Variants in NRN1 observed in about 807,000 individuals in gnomAD.
NRN1 encodes the protein neuritin 1, also known as neuritin.
NRN1 carries 4 observed loss-of-function variants against 15.0 expected under a neutral mutation model. The ratio of observed to expected loss-of-function variants is 0.27; its 90% CI spans 0.13 to 0.61. The LOEUF (loss-of-function observed/expected upper bound fraction) is 0.61. Among genes scored for constraint, NRN1 ranks in the 20% least tolerant of loss-of-function variants. NRN1 has a pLI of 0.87. For missense variants in NRN1, 134 were observed against 181.9 expected, an observed-to-expected ratio of 0.74 and a Z score of 1.51; for synonymous variants, 85 against 79.8, an observed-to-expected ratio of 1.07 and a Z score of -0.35.
In NRN1 at chr6:6,002,360, C is replaced by T. The variant is rs753009654; in HGVS notation, c.193G>A (p.Val65Met). Residue 65 changes from valine to methionine, a missense_variant, in exon 2 of 3, where the codon GTG becomes ATG. Coordinates refer to ENST00000244766, the MANE Select transcript of NRN1 (RefSeq NM_016588.3). Reference sequence around the variant, plus strand: ...GCCAGAGAGGACACTTACGTGCACACGGTCTTGATGTTCGTCTTGTCGTCC... The same window carrying T: ...GCCAGAGAGGACACTTACGTGCACATGGTCTTGATGTTCGTCTTGTCGTCC... ...GLDDKTNIKT[V>M]CTYWEDFHSC... 1.2e-6 allele frequency: 2 copies of T among 1,614,160 alleles called. No homozygotes were observed. The highest frequency in any genetic ancestry group is 1.7e-6 in the Non-Finnish European group (2 of 1,179,980).
intron 1 of NRN1, among the ~76,000 whole-genome samples, chr6:6,004,726 G>C (rs645649): frequency 0.45 from 69,147 of 152,028 alleles, 16,756 homozygotes; most frequent in East Asian, 0.73. Context: ...GCAGCCCGTG[G>C]GTCCCTCGCT....
intron 1 of NRN1, among the ~76,000 whole-genome samples, chr6:6,004,285 T>C (rs189801968): frequency 6.0e-4 from 91 of 152,306 alleles, no homozygotes; most frequent in African/African-American, 2.0e-3. Context: ...AATAAACGAA[T>C]CTTTGTTCTG....
upstream of NRN1, chr6:6,006,949 GAGA>G: frequency 5.3e-6 from 1 of 187,038 alleles, no homozygotes; most frequent in Non-Finnish European, 1.0e-5. Context: ...AAGAGAGAGA[GAGA>G]GAGAGGCTGA....
intron 1 of NRN1, among the ~76,000 whole-genome samples, chr6:6,005,994 C>T (rs1758100427): frequency 6.6e-6 from 1 of 152,210 alleles, no homozygotes; most frequent in Admixed American, 6.5e-5. Flanking sequence ...ACTTCTTAAC[C>T]CTTTCCTATA....
rs1757828795 is a variant in NRN1 at position 5,998,475 on chromosome 6, G to C, written c.*501C>G. On this transcript the variant is annotated 3_prime_UTR_variant, in exon 3 of 3. Transcript: ENST00000244766. ...GTGGAAATGATCAAAACAAGATACT[G>C]TGGAAGAACGACGTGAGCGTGAATT... 6.5e-6 allele frequency: 1 copy of C among 153,408 alleles called. No individual in the cohort carries two copies. Among genetic ancestry groups the C allele is most frequent in the Admixed American group, 6.5e-5 (1 of 15,448 alleles). The allele number at this position is 153,408 out of a possible 1,614,324, so 9.5% of individuals were successfully genotyped here.
chr6:6,006,979 G>A (rs1235765330), upstream of NRN1: 2 of 514,524 alleles, frequency 3.9e-6, no homozygotes, highest in Non-Finnish European at 7.0e-6. Context: ...GGGGAGAGCT[G>A]GGAATGGTTC....
rs1050839762 is a variant in NRN1 at position 5,998,192 on chromosome 6, T to C, written c.*784A>G. The C allele has an allele frequency of 2.0e-5, 3 of 152,268 alleles. No individual in the cohort carries two copies. The highest frequency in any genetic ancestry group is 7.2e-5 in the African/African-American group (3 of 41,554). The allele number at this position is 152,268 out of a possible 1,614,324, so 9.4% of individuals were successfully genotyped here. A position where few individuals can be genotyped will look rare whatever the true frequency, so the allele number is the denominator to read the frequency against. ...TTTAACATCCCCCCCTTGTGATCTATACCGTTGGATATTCAGGTATTACTG... is the reference window on the plus strand; with the variant it reads ...TTTAACATCCCCCCCTTGTGATCTACACCGTTGGATATTCAGGTATTACTG... On this transcript the variant is annotated 3_prime_UTR_variant, in exon 3 of 3. Transcript: ENST00000244766.
In NRN1 at chr6:6,006,774, G is replaced by C. The variant is rs369557126; in HGVS notation, c.-25C>G. 6.8e-6 allele frequency: 11 copies of C among 1,611,592 alleles called. No homozygotes were observed. The highest frequency in any genetic ancestry group is 1.1e-5 in the South Asian group (1 of 91,028). On this transcript the variant is annotated 5_prime_UTR_variant, in exon 1 of 3. Coordinates refer to ENST00000244766, the MANE Select transcript of NRN1 (RefSeq NM_016588.3). The stretch of plus-strand genomic sequence containing the variant: ...TCCTACGTTTAGTCAAACCATTTGC[G>C]ACCGCAGACCTTTAAATAGTTAGTT...
chr6:6,003,132 C>A, intron 1 of NRN1: 6 of 1,153,870 alleles, frequency 5.2e-6, no homozygotes, highest in Non-Finnish European at 5.5e-6. Flanking sequence ...CAGCAGTTAC[C>A]GAAATGGATT....
At chr6:6,006,590 C>G (rs1758115591) in intron 1 of NRN1, 105 bp downstream of exon 1, 1 of 1,071,062 alleles carries the variant, frequency 9.3e-7, no homozygotes, top group Non-Finnish European at 1.4e-6. Flanking sequence ...GCCGGCTTCT[C>G]CGCACCCTGG....
upstream of NRN1, chr6:6,007,081 T>C (rs1031894233): frequency 6.3e-6 from 2 of 319,042 alleles, no homozygotes; most frequent in South Asian, 4.3e-5. Context: ...TTTTTTAATA[T>C]AGACACCTTG....
At chr6:6,005,962 C>G (rs1561905714) in intron 1 of NRN1, among the ~76,000 whole-genome samples, 2 of 152,196 alleles carry the variant, frequency 1.3e-5, no homozygotes, top group Non-Finnish European at 2.9e-5. Flanking sequence ...ATAACAAACA[C>G]CCGACATGAC....
At chr6:6,004,018 C>A in intron 1 of NRN1, 1 of 1,201,058 alleles carries the variant, frequency 8.3e-7, no homozygotes, top group Non-Finnish European at 1.0e-6. Context: ...GGGCCAGACG[C>A]CGAAGAGGAA....
chr6:5,999,280 C>T (rs1757864670), intron 2 of NRN1, 76 bp from the exon 3 acceptor site: 6 of 1,311,654 alleles, frequency 4.6e-6, no homozygotes, highest in Admixed American at 3.6e-5. Flanking sequence ...TGCGCCCCTG[C>T]GCCTCCCCGC....
chr6:6,006,970 G>C (rs1201874447), upstream of NRN1: 9 of 391,868 alleles, frequency 2.3e-5, no homozygotes, highest in Non-Finnish European at 4.3e-5. Context: ...TGAGGGGGGG[G>C]GGAGAGCTGG....
In NRN1 at chr6:5,998,549, T is replaced by C. The variant is rs922174121; in HGVS notation, c.*427A>G. 1 of 157,150 alleles carries C rather than the reference T, an allele frequency of 6.4e-6. No individual in the cohort carries two copies. Among genetic ancestry groups the C allele is most frequent in the Non-Finnish European group, 1.4e-5 (1 of 70,978 alleles). The allele number at this position is 157,150 out of a possible 1,614,324, so 9.7% of individuals were successfully genotyped here. A position where few individuals can be genotyped will look rare whatever the true frequency, so the allele number is the denominator to read the frequency against. ...GACATCTCTCTTGAATTCATTCCCC[T>C]GGCCTTCTCCTCTCCTCGCCTTCCT... On this transcript the variant is annotated 3_prime_UTR_variant, in exon 3 of 3. Coordinates refer to ENST00000244766, the MANE Select transcript of NRN1 (RefSeq NM_016588.3).
At position 5,999,112 on chromosome 6, in the gene NRN1, G is replaced by T. The variant is rs1339235053; in HGVS notation, c.293C>A (p.Ser98Tyr). The T allele has an allele frequency of 6.2e-7, 1 of 1,614,176 alleles. No homozygotes were observed. The highest frequency in any genetic ancestry group is 1.7e-5 in the Admixed American group (1 of 60,030). ...GCTGCCTTGGATGTTGAGGTTTTTG[G>T]ATTCTTTTCTCAGTTTATCCCACAT... ...KDMWDKLRKE[S>Y]KNLNIQGSLF... Residue 98 changes from serine (S) to tyrosine (Y), a missense_variant, in exon 3 of 3, where the codon TCC becomes TAC. Transcript: ENST00000244766.
intron 1 of NRN1, chr6:6,003,096 G>T: frequency 1.2e-6 from 1 of 840,332 alleles, no homozygotes; most frequent in Non-Finnish European, 1.6e-6. Context: ...CTGAATGAAT[G>T]AACGAATATA....
At position 5,998,527 on chromosome 6, in the gene NRN1, ATC is replaced by A. The variant is rs975057070; in HGVS notation, c.*447_*448del. On this transcript the variant is annotated 3_prime_UTR_variant, in exon 3 of 3. Transcript: ENST00000244766. ...TTCACCGTATGTTTCGTCCGTGGAC[ATC>A]TCTCTTGAATTCATTCCCCTGGCCT... 6.5e-6 allele frequency: 1 copy of A among 154,894 alleles called. No homozygotes were observed. Among genetic ancestry groups the A allele is most frequent in the Admixed American group, 6.4e-5 (1 of 15,704 alleles). The allele number at this position is 154,894 out of a possible 1,614,324, so 9.6% of individuals were successfully genotyped here. A position where few individuals can be genotyped will look rare whatever the true frequency, so the allele number is the denominator to read the frequency against.
Sources: gnomAD v4.1 joint callset for allele counts (sites outside exome capture counted in the v4.1 genomes callset) on GRCh38, gnomAD v4.1.1 for gene constraint, MANE v1.5 for transcripts, NCBI Gene and HGNC (gene_info 2026-07-23, HGNC 2026-07-21) for gene names.